MAN1A2: variants seen among roughly 807,000 people sequenced by gnomAD.
The protein encoded by MAN1A2 is mannosyl-oligosaccharide 1,2-alpha-mannosidase IB.
In MAN1A2, 26 loss-of-function variants were observed where a neutral mutation model predicts 75.7. The observed-to-expected ratio is 0.34, with a 90% CI of 0.25 to 0.48. The LOEUF (loss-of-function observed/expected upper bound fraction) is 0.48, where lower values mean the gene tolerates loss of function less well. Ranked by LOEUF, MAN1A2 falls within the 20% of genes least tolerant of loss-of-function variation. The pLI is 0.99. For missense variants in MAN1A2, 562 were observed against 775.5 expected, an observed-to-expected ratio of 0.72 and a Z score of 3.27; for synonymous variants, 247 against 264.6, an observed-to-expected ratio of 0.93 and a Z score of 0.65.
chr1:117,522,919 G>A lies in MAN1A2; in HGVS notation c.1888G>A (p.Ala630Thr), dbSNP rs41296190. ...TCACCCTCTGCCTGTGTTACATTTA[G>A]CCAACACCACACTTTCAGGTAATCC... ...EAHPLPVLHL[A>T]NTTLSGNPAV... Residue 630 changes from alanine to threonine, a missense_variant, in exon 13 of 13, where the codon GCC (alanine) becomes ACC (threonine). Ala to Thr is a moderately conservative substitution (Grantham distance 58). Coordinates refer to ENST00000356554, the MANE Select transcript of MAN1A2 (RefSeq NM_006699.5). 0.014 allele frequency: 22,382 copies of A among 1,611,618 alleles called. 173 individuals carry two copies. The highest frequency in any genetic ancestry group is 0.016 in the Non-Finnish European group (19,087 of 1,178,502).
chr1:117,475,905 G>A (rs545067704), intron 8 of MAN1A2, among the ~76,000 whole-genome samples: 1 of 152,206 alleles, frequency 6.6e-6, no homozygotes, highest in East Asian at 1.9e-4. Flanking sequence ...GGGTCAAATG[G>A]TATCTCTGGT....
chr1:117,489,910 G>A (rs540139972), intron 8 of MAN1A2, among the ~76,000 whole-genome samples: 6 of 151,608 alleles, frequency 4.0e-5, no homozygotes, highest in African/African-American at 1.4e-4. Context: ...ATTACTGTAT[G>A]AGTGAATGAG....
At chr1:117,447,719 C>T (rs1649283399) in intron 6 of MAN1A2, among the ~76,000 whole-genome samples, 1 of 151,764 alleles carries the variant, frequency 6.6e-6, no homozygotes, top group African/African-American at 2.4e-5. Flanking sequence ...CTTTTTATGT[C>T]CTTTGTTTGT....
intron 12 of MAN1A2, among the ~76,000 whole-genome samples, chr1:117,519,822 C>T (rs1651819217): frequency 1.3e-5 from 2 of 152,070 alleles, no homozygotes; most frequent in African/African-American, 4.8e-5. Context: ...CTCCCTAATT[C>T]ATTCTATGAA....
At chr1:117,483,756 A>G (rs998253762) in intron 8 of MAN1A2, among the ~76,000 whole-genome samples, 1 of 152,100 alleles carries the variant, frequency 6.6e-6, no homozygotes, top group African/African-American at 2.4e-5. Context: ...CCCTGGCCAG[A>G]ACTTCCAACA....
At position 117,379,510 on chromosome 1, in the gene MAN1A2, T is replaced by A. The variant is rs1288143812; in HGVS notation, c.302+11025T>A. Among the ~76,000 whole-genome samples the A allele has an allele frequency of 2.0e-5, 3 of 152,264 alleles. No homozygotes were observed. The East Asian group carries it at 5.8e-4, about 29-fold the overall frequency. On this transcript the variant is annotated intron_variant, in intron 1 of 12. Coordinates refer to ENST00000356554, the MANE Select transcript of MAN1A2 (RefSeq NM_006699.5). Reference sequence around the variant, plus strand: ...TCATTTAACATAGAATTAATCATTTTAAAGTGAGCACTTAGTAGTATTTAC... The same window carrying A: ...TCATTTAACATAGAATTAATCATTTAAAAGTGAGCACTTAGTAGTATTTAC...
intron 6 of MAN1A2, among the ~76,000 whole-genome samples, chr1:117,444,461 T>C (rs996437677): frequency 6.6e-6 from 1 of 151,938 alleles, no homozygotes; most frequent in African/African-American, 2.4e-5. Context: ...AAGGGATATG[T>C]ATTTTTAAAT....
At chr1:117,431,016 C>T (rs371244207) in intron 5 of MAN1A2, among the ~76,000 whole-genome samples, 6 of 129,218 alleles carry the variant, frequency 4.6e-5, no homozygotes, top group Middle Eastern at 7.5e-3. Flanking sequence ...GAGACCGGCC[C>T]GGCCAACACA....
chr1:117,368,197 C>A lies in MAN1A2; in HGVS notation c.14C>A (p.Ala5Asp). The change falls in exon 1 of 13, where the codon GCC (alanine) becomes GAC (aspartate). Residue 5 changes from alanine (A) to aspartate (D), a missense_variant. Ala to Asp is a moderately radical substitution (Grantham distance 126). Coordinates refer to ENST00000356554, the MANE Select transcript of MAN1A2 (RefSeq NM_006699.5). ...AGAGCGTAAACGATGACTACCCCAG[C>A]CCTGCTGCCCCTCTCTGGACGTAGG... MTTP[A>D]LLPLSGRRIP... The A allele has an allele frequency of 6.2e-7, 1 of 1,612,320 alleles. No homozygotes were observed. The highest frequency in any genetic ancestry group is 8.5e-7 in the Non-Finnish European group (1 of 1,179,394).
intron 1 of MAN1A2, among the ~76,000 whole-genome samples, chr1:117,385,964 A>G (rs768700755): frequency 8.5e-5 from 13 of 152,164 alleles, no homozygotes; most frequent in Non-Finnish European, 1.9e-4. Context: ...GTGATTTCTT[A>G]AATTGAGTCC....
chr1:117,433,111 A>G (rs1183390277), intron 5 of MAN1A2, among the ~76,000 whole-genome samples: 1 of 151,950 alleles, frequency 6.6e-6, no homozygotes, highest in African/African-American at 2.4e-5. Flanking sequence ...ATTTGATAAG[A>G]TGCAACACCC....
chr1:117,383,282 G>C (rs943303228), intron 1 of MAN1A2, among the ~76,000 whole-genome samples: 7 of 152,110 alleles, frequency 4.6e-5, no homozygotes, highest in African/African-American at 4.8e-5. Context: ...ATTTTCTTAT[G>C]CTGAACCATC....
At chr1:117,410,247 T>A (rs1315804053) in intron 3 of MAN1A2, among the ~76,000 whole-genome samples, 1 of 151,998 alleles carries the variant, frequency 6.6e-6, no homozygotes, top group African/African-American at 2.4e-5. Flanking sequence ...TAAGTGGAAT[T>A]TATCATAGAG....
chr1:117,443,567 C>T (rs895963618), intron 6 of MAN1A2, among the ~76,000 whole-genome samples: 1 of 151,622 alleles, frequency 6.6e-6, no homozygotes, highest in Admixed American at 6.6e-5. Flanking sequence ...CTTTTTTTGT[C>T]TACATAGAGG....
chr1:117,450,714 T>G (rs1048396774), intron 6 of MAN1A2, among the ~76,000 whole-genome samples: 1 of 152,226 alleles, frequency 6.6e-6, no homozygotes, highest in African/African-American at 2.4e-5. Context: ...GGGGCCAACC[T>G]AAAGCTCAGA....
chr1:117,461,319 T>C (rs1037318717), intron 7 of MAN1A2, among the ~76,000 whole-genome samples: 1 of 152,190 alleles, frequency 6.6e-6, no homozygotes, highest in Non-Finnish European at 1.5e-5. Flanking sequence ...ACGTATTATG[T>C]GTTCTCATTC....
chr1:117,393,699 T>C (rs1653809681), intron 1 of MAN1A2, among the ~76,000 whole-genome samples: 1 of 152,160 alleles, frequency 6.6e-6, no homozygotes. Context: ...GGAGTTATTC[T>C]TGGAATTTGG....
At chr1:117,504,205 T>C (rs1651282163) in intron 12 of MAN1A2, among the ~76,000 whole-genome samples, 1 of 151,392 alleles carries the variant, frequency 6.6e-6, no homozygotes, top group Non-Finnish European at 1.5e-5. Context: ...ACTTTAGTTG[T>C]ACACTAGCTA....
At position 117,523,900 on chromosome 1, in the gene MAN1A2, A is replaced by G. The variant is rs939989105; in HGVS notation, c.*943A>G. 3 of 152,132 alleles carry G rather than the reference A, an allele frequency of 2.0e-5. No homozygotes were observed. The highest frequency in any genetic ancestry group is 7.2e-5 in the African/African-American group (3 of 41,418). 9.4% of individuals were successfully genotyped at this position (152,132 alleles called of 1,614,324 possible). A position where few individuals can be genotyped will look rare whatever the true frequency, so the allele number is the denominator to read the frequency against. ...ATAATAAAGTTAGTAGAGTCACTCAACTTACAACTTTATTTATGTGGCTTG... is the reference window on the plus strand; with the variant it reads ...ATAATAAAGTTAGTAGAGTCACTCAGCTTACAACTTTATTTATGTGGCTTG... On this transcript the variant is annotated 3_prime_UTR_variant, in exon 13 of 13. Coordinates refer to ENST00000356554, the MANE Select transcript of MAN1A2 (RefSeq NM_006699.5).
Sources: gnomAD v4.1 joint callset for allele counts (sites outside exome capture counted in the v4.1 genomes callset) on GRCh38, gnomAD v4.1.1 for gene constraint, MANE v1.5 for transcripts, NCBI Gene and HGNC (gene_info 2026-07-23, HGNC 2026-07-21) for gene names.